GALK2: variants seen among roughly 807,000 people sequenced by gnomAD.
GALK2 encodes N-acetylgalactosamine kinase.
GALK2 carries 36 observed loss-of-function variants against 52.4 expected under a neutral mutation model. The observed-to-expected ratio is 0.69, with a 90% confidence interval of 0.53 to 0.91. GALK2 has a LOEUF of 0.91. Among genes scored for constraint, GALK2 ranks in the 40% least tolerant of loss-of-function variants. The probability of loss-of-function intolerance (pLI) is 0.00; values close to 1 mark genes in which losing one functional copy is unlikely to be tolerated. For missense variants in GALK2, 579 were observed against 559.1 expected (o/e 1.04, Z -0.36); for synonymous variants, 176 against 199.1 (o/e 0.88, Z 0.98).
At chr15:49,304,469 G>T (rs894056060) in intron 8 of GALK2, among the ~76,000 whole-genome samples, 2 of 152,196 alleles carry the variant, frequency 1.3e-5, no homozygotes, top group African/African-American at 4.8e-5. Context: ...CAACACGTTT[G>T]TCCACAATCA....
At chr15:49,272,078 G>A (rs549592296) in intron 5 of GALK2, among the ~76,000 whole-genome samples, 78 of 152,154 alleles carry the variant, frequency 5.1e-4, no homozygotes, top group Non-Finnish European at 1.0e-3. Flanking sequence ...TTTGGGCACA[G>A]CCTGTTTCCT....
chr15:49,310,399 C>G (rs2035892089), intron 8 of GALK2, among the ~76,000 whole-genome samples: 1 of 151,972 alleles, frequency 6.6e-6, no homozygotes, highest in Non-Finnish European at 1.5e-5. Flanking sequence ...TGGATAAATA[C>G]CCAGTAATGA....
chr15:49,333,284 T>C (rs556872285), downstream of GALK2, among the ~76,000 whole-genome samples: 2 of 152,362 alleles, frequency 1.3e-5, no homozygotes, highest in East Asian at 3.9e-4. Context: ...TTTCCTCTCA[T>C]GAGTATCTCT....
intron 3 of GALK2, among the ~76,000 whole-genome samples, chr15:49,347,946 G>A (rs537315110): frequency 8.7e-5 from 13 of 149,982 alleles, no homozygotes; most frequent in Non-Finnish European, 1.9e-4. Flanking sequence ...TTGATCTTGG[G>A]AGGTGGAGGC....
intron 2 of GALK2, among the ~76,000 whole-genome samples, chr15:49,213,772 CT>C: frequency 6.6e-6 from 1 of 152,114 alleles, no homozygotes; most frequent in African/African-American, 2.4e-5. Context: ...TCCTTCTTGT[CT>C]TCCTTTGTGT....
At chr15:49,294,671 T>G (rs1471960592) in intron 8 of GALK2, among the ~76,000 whole-genome samples, 3 of 152,216 alleles carry the variant, frequency 2.0e-5, no homozygotes, top group African/African-American at 7.2e-5. Context: ...GGACACAGTC[T>G]CTACTTTATA....
At chr15:49,249,127 C>T (rs1270540241) in intron 5 of GALK2, among the ~76,000 whole-genome samples, 2 of 152,134 alleles carry the variant, frequency 1.3e-5, no homozygotes, top group South Asian at 2.1e-4. Flanking sequence ...TAGCCTTTAC[C>T]TACTACATCA....
At position 49,341,365 on chromosome 15, in the gene GALK2, T is replaced by C. The variant is rs540293135; in HGVS notation, c.426+21560T>C. 6.6e-5 allele frequency among the ~76,000 whole-genome samples: 10 copies of C among 152,330 alleles called. No individual in the cohort carries two copies. The East Asian group carries it at 1.7e-3, about 26-fold the overall frequency. On this transcript the variant is annotated intron_variant, in intron 3 of 3. Transcript: ENST00000558399. ...GGGTAGTATGGCAAGTTTAACAATA[T>C]TGATTCTTCCAACCCATGAGCATAG...
rs560435823 is a variant in GALK2, at chr15:49,351,056, G to A, written c.427-16435G>A. ...CCTACTCAACCATACGCTGTGGTTT[G>A]AGCTCTACAATCAATGAATTTTTCT... is the stretch of plus-strand genomic sequence containing the variant. On this transcript the variant is annotated intron_variant, in intron 3 of 3. Transcript: ENST00000558399. Among the ~76,000 whole-genome samples, 3 of 152,292 alleles carry A rather than the reference G, an allele frequency of 2.0e-5. No homozygotes were observed. The South Asian group carries it at 6.2e-4, about 32-fold the overall frequency.
At chr15:49,351,819 C>T (rs1047470040) in intron 3 of GALK2, among the ~76,000 whole-genome samples, 1 of 152,142 alleles carries the variant, frequency 6.6e-6, no homozygotes, top group East Asian at 1.9e-4. Flanking sequence ...GGCTAAGGAG[C>T]CAGATCTTTG....
chr15:49,192,485 GTATA>G lies in GALK2; in HGVS notation c.54-8640_54-8637del, dbSNP rs58230206. Among the ~76,000 whole-genome samples, 912 of 102,902 alleles carry G rather than the reference GTATA, an allele frequency of 8.9e-3. 9 individuals carry two copies. The highest frequency in any genetic ancestry group is 0.022 in the South Asian group (70 of 3,152). 67.5% of individuals were successfully genotyped at this position (102,902 alleles called of 152,430 possible). On this transcript the variant is annotated intron_variant, in intron 1 of 9. Transcript: ENST00000560031. ...TCTGCAATGAATATTATATATATAT[GTATA>G]TATATATATATATATATATATATAT...
At chr15:49,162,788 A>G (rs2084696011) in intron 1 of GALK2, among the ~76,000 whole-genome samples, 2 of 152,220 alleles carry the variant, frequency 1.3e-5, no homozygotes, top group Admixed American at 6.5e-5. Context: ...AATAAAAAAT[A>G]TGGTCTTAGT....
intron 9 of GALK2, among the ~76,000 whole-genome samples, chr15:49,324,394 C>A (rs2037152998): frequency 4.8e-4 from 1 of 2,084 alleles, no homozygotes. Flanking sequence ...AACATGCATA[C>A]CCTGTCAAAA....
At chr15:49,197,154 A>G (rs954387503) in intron 1 of GALK2, among the ~76,000 whole-genome samples, 1 of 152,204 alleles carries the variant, frequency 6.6e-6, no homozygotes, top group African/African-American at 2.4e-5. Context: ...AAATTCTACA[A>G]TTTTGATCAG....
chr15:49,156,281 T>TA (rs1167120938), intron 1 of GALK2: 4 of 484,308 alleles, frequency 8.3e-6, no homozygotes, highest in African/African-American at 4.0e-5. Flanking sequence ...GACTGGTTTT[T>TA]AAAAAATACA....
chr15:49,308,763 T>C (rs1052753306), intron 8 of GALK2, among the ~76,000 whole-genome samples: 1 of 152,180 alleles, frequency 6.6e-6, no homozygotes, highest in African/African-American at 2.4e-5. Flanking sequence ...AAAGTGTATT[T>C]GGAAGAATAA....
chr15:49,295,369 A>G (rs1050133794), intron 8 of GALK2, among the ~76,000 whole-genome samples: 11 of 151,626 alleles, frequency 7.3e-5, no homozygotes, highest in African/African-American at 2.4e-4. Flanking sequence ...AGATTCATCT[A>G]TCTATCATTG....
chr15:49,316,476 TA>T (rs2036421474), intron 8 of GALK2, among the ~76,000 whole-genome samples: 1 of 122,104 alleles, frequency 8.2e-6, no homozygotes, highest in East Asian at 2.3e-4. Context: ...GGGGTGGGGG[TA>T]GGGGGGAGGG....
At chr15:49,266,463 G>A (rs530893434) in intron 5 of GALK2, among the ~76,000 whole-genome samples, 22 of 152,270 alleles carry the variant, frequency 1.4e-4, no homozygotes, top group African/African-American at 3.6e-4. Context: ...CCTAAGTGTC[G>A]TTAAGACTGC....
Sources: allele counts gnomAD v4.1 joint callset (sites outside exome capture counted in the v4.1 genomes callset), GRCh38; gene constraint gnomAD v4.1.1; transcripts MANE v1.5; gene names NCBI Gene and HGNC (gene_info 2026-07-23, HGNC 2026-07-21).